The following PATL1 variants were observed in gnomAD, a reference collection of about 807,000 sequenced individuals.
The protein encoded by PATL1 is PAT1 homolog 1, processing body mRNA decay factor, also known as protein PAT1 homolog 1.
Under a neutral mutation model 100.6 loss-of-function variants are expected in PATL1, and 32 were observed. That is an observed-to-expected ratio of 0.32 (90% CI 0.24 to 0.43). The LOEUF is 0.43. PATL1 is among the 20% of genes least tolerant of loss of function. The pLI, the probability that PATL1 is intolerant of heterozygous loss-of-function variation, is 1.00. For missense variants in PATL1, 747 were observed against 949.9 expected (o/e 0.79, Z 2.81); for synonymous variants, 332 against 330.0 (o/e 1.01, Z -0.07).
At chr11:59,667,407 T>G (rs1207787720) in intron 1 of PATL1, among the ~76,000 whole-genome samples, 3 of 152,234 alleles carry the variant, frequency 2.0e-5, no homozygotes, top group Non-Finnish European at 4.4e-5. Context: ...TCAACTATTA[T>G]TCCGTTTTAA....
Position 59,659,317 on chromosome 11 carries a change from C to A in PATL1, c.280G>T (p.Val94Leu), listed in dbSNP as rs767139662. The A allele has an allele frequency of 2.6e-6, 4 of 1,551,444 alleles. No homozygotes were observed. Among genetic ancestry groups the A allele is most frequent in the Non-Finnish European group, 3.5e-6 (4 of 1,146,808 alleles). ...GGATCTTCTAGTTCATTTTCAATCA[C>A]CATCTTACTGAGCCTTTCTGCCAGA... ...ENLAERLSKM[V>L]IENELEDPAI... Residue 94 changes from valine to leucine, a missense_variant, in exon 3 of 19, where the codon GTG (valine) becomes TTG (leucine). Physicochemically the swap from Val to Leu is conservative, Grantham distance 32. Transcript: ENST00000300146.
At chr11:59,653,286 ACT>A (rs1166783022) in intron 9 of PATL1, among the ~76,000 whole-genome samples, 2 of 152,112 alleles carry the variant, frequency 1.3e-5, no homozygotes, top group Non-Finnish European at 1.5e-5. Flanking sequence ...CTCTAGAATA[ACT>A]CTGTGAGGTA....
rs1446384978 is a variant in PATL1 at position 59,653,912 on chromosome 11, T to C, written c.1121+71A>G. 5.2e-6 allele frequency: 7 copies of C among 1,346,728 alleles called. No individual in the cohort carries two copies. The Admixed American group carries it at 1.3e-4, about 25-fold the overall frequency. The allele number at this position is 1,346,728 out of a possible 1,614,324, so 83.4% of individuals were successfully genotyped here. ...TACTAAAAAAAACAAAACAACTAAA[T>C]AGCATGTTGTTACACTGTTAAAATT... is the stretch of plus-strand genomic sequence containing the variant. On this transcript the variant is annotated intron_variant, in intron 9 of 18. Coordinates refer to ENST00000300146, the MANE Select transcript of PATL1 (RefSeq NM_152716.3).
At chr11:59,668,536 A>G (rs1259305402) in intron 1 of PATL1, among the ~76,000 whole-genome samples, 1 of 150,434 alleles carries the variant, frequency 6.6e-6, no homozygotes, top group Admixed American at 6.6e-5. Context: ...GGTGACACCT[A>G]CTTAAGAAAA....
intron 14 of PATL1, among the ~76,000 whole-genome samples, chr11:59,648,827 C>G (rs1861400518): frequency 6.6e-6 from 1 of 152,154 alleles, no homozygotes; most frequent in Admixed American, 6.5e-5. Flanking sequence ...AGTGCTTATT[C>G]TTATGTTTGG....
At position 59,652,973 on chromosome 11, in the gene PATL1, C is replaced by G. The variant is rs1861468088; in HGVS notation, c.1167G>C (p.Arg389=). Residue 389 remains arginine (R), a synonymous_variant, in exon 10 of 19, where the codon CGG becomes CGC. Transcript: ENST00000300146. ...TTCGGAGATGATCTTGATGACTGCT[C>G]CGGTGACTTCCTCTATCTCCCGCAC... ...LNGAGDRGSH[R]SSHQDHLRKD... is the part of the protein sequence containing the mutation. 1.9e-6 allele frequency: 3 copies of G among 1,613,766 alleles called. No homozygotes were observed. The highest frequency in any genetic ancestry group is 1.3e-5 in the African/African-American group (1 of 74,884).
In PATL1 at chr11:59,658,846, A is replaced by G. The variant is rs750992169; in HGVS notation, c.426+20T>C. 2.0e-6 allele frequency: 3 copies of G among 1,533,480 alleles called. No individual in the cohort carries two copies. The South Asian group carries it at 3.7e-5, about 19-fold the overall frequency. 95.0% of individuals were successfully genotyped at this position (1,533,480 alleles called of 1,614,324 possible). A position where few individuals can be genotyped will look rare whatever the true frequency, so the allele number is the denominator to read the frequency against. ...TTTTTGGATATTATAAATTTTATGT[A>G]AAGAGAAAATATTTAATACCTGAGC... On this transcript the variant is annotated intron_variant, in intron 4 of 18. Transcript: ENST00000300146.
In PATL1 at chr11:59,655,925, T is replaced by C. The variant is rs751496568; in HGVS notation, c.813+31A>G. 11 of 1,510,332 alleles carry C rather than the reference T, an allele frequency of 7.3e-6. No homozygotes were observed. The East Asian group carries it at 1.6e-4, about 23-fold the overall frequency. 93.6% of individuals were successfully genotyped at this position (1,510,332 alleles called of 1,614,324 possible). A position where few individuals can be genotyped will look rare whatever the true frequency, so the allele number is the denominator to read the frequency against. ...ATGAACTTTAGGAAAGTAGGAGAGT[T>C]CTTTATGGGTAGGGCTAATCACAGG... is the stretch of plus-strand genomic sequence containing the variant. On this transcript the variant is annotated intron_variant, in intron 7 of 18. Coordinates refer to ENST00000300146, the MANE Select transcript of PATL1 (RefSeq NM_152716.3).
At chr11:59,656,208 A>G (rs1240644139) in intron 6 of PATL1, among the ~76,000 whole-genome samples, 163 bp from the exon 7 acceptor site, 4 of 152,218 alleles carry the variant, frequency 2.6e-5, no homozygotes, top group African/African-American at 9.6e-5. Context: ...AGAAATTATA[A>G]AAACACCATG....
chr11:59,668,828 G>T (rs977382565), intron 1 of PATL1, 53 bp downstream of exon 1: 5 of 1,151,738 alleles, frequency 4.3e-6, no homozygotes, highest in African/African-American at 3.2e-5. Context: ...GAGAGAGTGA[G>T]GGAGAGGGGC....
intron 2 of PATL1, among the ~76,000 whole-genome samples, chr11:59,660,292 G>A (rs1438786989): frequency 2.0e-5 from 3 of 152,062 alleles, no homozygotes; most frequent in Admixed American, 6.5e-5. Flanking sequence ...GGGATACATT[G>A]GTGTACAAAA....
At chr11:59,649,343 A>G (rs1288223324) in intron 14 of PATL1, 119 bp downstream of exon 14, 1 of 1,004,798 alleles carries the variant, frequency 1.0e-6, no homozygotes, top group Non-Finnish European at 1.4e-6. Context: ...CTAAAAGGAT[A>G]GATTCTGAGC....
chr11:59,639,421 T>C (rs77539333), intron 16 of PATL1, 38 bp from the exon 17 acceptor site: 60,199 of 1,462,078 alleles, frequency 0.041, 1,497 homozygotes, highest in Non-Finnish European at 0.045. Flanking sequence ...CTCAACACTG[T>C]GTCTAAACCT....
Position 59,638,406 on chromosome 11 carries a change from A to G in PATL1, c.2297T>C (p.Val766Ala), listed in dbSNP as rs763708066. 6.2e-6 allele frequency: 10 copies of G among 1,612,358 alleles called. No homozygotes were observed. Among genetic ancestry groups the G allele is most frequent in the Non-Finnish European group, 8.5e-6 (10 of 1,178,936 alleles). ...GGAGATCTTTTATCGTATCCCCTGA[A>G]CTAGCCTAGGAGTACAAAGGAGAGA... ...LNLLETKLQL[V>A]QGIR Residue 766 changes from valine (V) to alanine (A), a missense_variant, in exon 19 of 19, where the codon GTT becomes GCT. By Grantham distance (64) the Val-to-Ala change is moderately conservative. Coordinates refer to ENST00000300146, the MANE Select transcript of PATL1 (RefSeq NM_152716.3).
At chr11:59,651,423 G>A (rs1017380376) in intron 12 of PATL1, 121 bp downstream of exon 12, 2 of 702,946 alleles carry the variant, frequency 2.8e-6, no homozygotes, top group Admixed American at 2.7e-5. Context: ...GCATGACGAG[G>A]TGGGAGGCCC....
intron 7 of PATL1, 92 bp downstream of exon 7, chr11:59,655,864 G>T: frequency 7.4e-7 from 1 of 1,356,596 alleles, no homozygotes; most frequent in Non-Finnish European, 1.0e-6. Flanking sequence ...AAAAATAAAA[G>T]TAGTGATTAA....
intron 1 of PATL1, among the ~76,000 whole-genome samples, chr11:59,668,248 G>A (rs1050199631): frequency 2.6e-5 from 4 of 152,212 alleles, no homozygotes; most frequent in African/African-American, 4.8e-5. Context: ...TGGTGACAGG[G>A]TCAGTACTGT....
At chr11:59,664,659 G>A (rs540640876) in intron 2 of PATL1, among the ~76,000 whole-genome samples, 1 of 152,254 alleles carries the variant, frequency 6.6e-6, no homozygotes, top group East Asian at 1.9e-4. Context: ...ATGCAGCCCT[G>A]AACTCCTGGG....
At chr11:59,643,775 A>C (rs1184608155) in intron 15 of PATL1, among the ~76,000 whole-genome samples, 2 of 152,148 alleles carry the variant, frequency 1.3e-5, no homozygotes, top group Admixed American at 6.5e-5. Context: ...ATAATTAGCC[A>C]ATTTTTATAG....
Sources: gnomAD v4.1 joint callset for allele counts (sites outside exome capture counted in the v4.1 genomes callset) on GRCh38, gnomAD v4.1.1 for gene constraint, MANE v1.5 for transcripts, NCBI Gene and HGNC (gene_info 2026-07-23, HGNC 2026-07-21) for gene names.